Variants in CREB5 observed in about 807,000 individuals in gnomAD.
CREB5 encodes the protein cyclic AMP-responsive element-binding protein 5.
A neutral mutation model predicts 57.1 loss-of-function variants in CREB5; 19 were observed. That is an observed-to-expected ratio of 0.33 (90% CI 0.23 to 0.49). The LOEUF is 0.49. Ranked by LOEUF, CREB5 falls within the 20% of genes least tolerant of loss-of-function variation. The probability of loss-of-function intolerance (pLI) is 0.99; values close to 1 mark genes in which losing one functional copy is unlikely to be tolerated. For synonymous variants in CREB5, 238 were observed against 238.3 expected (o/e 1.00, Z 0.01); for missense variants, 579 against 671.6 (o/e 0.86, Z 1.52).
intron 1 of CREB5, among the ~76,000 whole-genome samples, chr7:28,313,173 C>T (rs1035497689): frequency 6.6e-6 from 1 of 152,094 alleles, no homozygotes; most frequent in African/African-American, 2.4e-5. Flanking sequence ...TGATACTGCT[C>T]GTCTGGGCAC....
At chr7:28,509,430 T>C (rs530641065) in intron 4 of CREB5, among the ~76,000 whole-genome samples, 25 of 152,234 alleles carry the variant, frequency 1.6e-4, no homozygotes, top group Non-Finnish European at 3.5e-4. Context: ...CTTATGGACA[T>C]GAGAATCATG....
At chr7:28,306,773 G>A (rs886349413) in intron 1 of CREB5, among the ~76,000 whole-genome samples, 5 of 151,938 alleles carry the variant, frequency 3.3e-5, no homozygotes, top group African/African-American at 1.2e-4. Flanking sequence ...GTGTTAGCCG[G>A]GATGGTCTCG....
intron 1 of CREB5, among the ~76,000 whole-genome samples, chr7:28,320,486 A>G (rs73291256): frequency 0.016 from 2,475 of 152,286 alleles, 65 homozygotes; most frequent in African/African-American, 0.057. Context: ...CCGCTTTACC[A>G]GGCTTCCCTT....
At chr7:28,790,428 AAGAGAGAGAG>A (rs370615013) in intron 7 of CREB5, among the ~76,000 whole-genome samples, 9,091 of 115,768 alleles carry the variant, frequency 0.079, 365 homozygotes, top group Non-Finnish European at 0.12. Context: ...GAAAGAAAGA[AAGAGAGAGAG>A]AGAGAGAGAG....
chr7:28,337,914 C>T (rs1189624411), intron 1 of CREB5, among the ~76,000 whole-genome samples: 2 of 152,012 alleles, frequency 1.3e-5, no homozygotes, highest in Non-Finnish European at 2.9e-5. Context: ...CAAACAATAT[C>T]TTATAATTCA....
intron 5 of CREB5, among the ~76,000 whole-genome samples, chr7:28,687,914 G>C (rs958209848): frequency 6.6e-6 from 1 of 152,118 alleles, no homozygotes; most frequent in African/African-American, 2.4e-5. Flanking sequence ...GAGCAGGAAA[G>C]GGCAAGGTGG....
intron 5 of CREB5, among the ~76,000 whole-genome samples, chr7:28,693,644 C>T (rs1307693240): frequency 6.6e-6 from 1 of 152,176 alleles, no homozygotes; most frequent in Non-Finnish European, 1.5e-5. Context: ...TGGAGTCAGA[C>T]AGACCTGGGG....
intron 1 of CREB5, among the ~76,000 whole-genome samples, chr7:28,440,200 C>T (rs747482839): frequency 3.3e-5 from 5 of 152,114 alleles, no homozygotes; most frequent in African/African-American, 9.7e-5. Flanking sequence ...GTATCCATGT[C>T]GCACTCCAGT....
chr7:28,795,061 C>T (rs1479980834), intron 7 of CREB5, among the ~76,000 whole-genome samples: 9 of 152,034 alleles, frequency 5.9e-5, no homozygotes, highest in African/African-American at 1.7e-4. Flanking sequence ...CATGGCCCTG[C>T]GGAGAACAGG....
chr7:28,407,373 G>T (rs1787605897), intron 1 of CREB5, among the ~76,000 whole-genome samples: 1 of 152,148 alleles, frequency 6.6e-6, no homozygotes, highest in South Asian at 2.1e-4. Context: ...CTTAACTCAA[G>T]TAATAAAATT....
At chr7:28,669,204 T>G (rs41341) in intron 5 of CREB5, among the ~76,000 whole-genome samples, 151,699 of 152,334 alleles carry the variant, frequency 1, 75,535 homozygotes, top group East Asian at 1. Context: ...TTGAGAAAAA[T>G]CAAACATGTC....
At chr7:28,382,396 A>G (rs1786983774) in intron 1 of CREB5, among the ~76,000 whole-genome samples, 1 of 152,146 alleles carries the variant, frequency 6.6e-6, no homozygotes, top group Non-Finnish European at 1.5e-5. Flanking sequence ...TGGCAGGCTC[A>G]GGGCCTCCTG....
At chr7:28,442,510 G>A (rs1411656508) in intron 1 of CREB5, among the ~76,000 whole-genome samples, 6 of 151,768 alleles carry the variant, frequency 4.0e-5, no homozygotes, top group African/African-American at 1.2e-4. Flanking sequence ...TTTTTTGTTT[G>A]TTTTTTGAGA....
chr7:28,793,493 T>C (rs964658499), intron 7 of CREB5, among the ~76,000 whole-genome samples: 1 of 152,252 alleles, frequency 6.6e-6, no homozygotes, highest in African/African-American at 2.4e-5. Context: ...AGATGACAGC[T>C]GTCTCGAGGG....
chr7:28,489,194 T>G (rs1206576387), intron 2 of CREB5, among the ~76,000 whole-genome samples: 1 of 151,960 alleles, frequency 6.6e-6, no homozygotes, highest in African/African-American at 2.4e-5. Context: ...AGTCTTTCCC[T>G]CACTCTCCTG....
At chr7:28,683,548 T>A (rs1285625233) in intron 5 of CREB5, among the ~76,000 whole-genome samples, 1 of 152,144 alleles carries the variant, frequency 6.6e-6, no homozygotes, top group African/African-American at 2.4e-5. Flanking sequence ...GTCCTTGGCA[T>A]TTGTCTGGGT....
intron 1 of CREB5, among the ~76,000 whole-genome samples, chr7:28,450,013 C>A (rs572438025): frequency 3.9e-4 from 60 of 152,230 alleles, no homozygotes; most frequent in African/African-American, 1.4e-3. Flanking sequence ...GAGATCGAAT[C>A]TTTGGACCTC....
intron 2 of CREB5, 45 bp from the exon 3 acceptor site, chr7:28,494,861 A>G (rs1346135778): frequency 1.5e-6 from 2 of 1,293,850 alleles, no homozygotes; most frequent in Admixed American, 2.6e-5. Flanking sequence ...TTTAAAACTG[A>G]ATGGCTCCTC....
intron 1 of CREB5, among the ~76,000 whole-genome samples, chr7:28,453,638 C>G (rs945924267): frequency 6.6e-6 from 1 of 152,200 alleles, no homozygotes; most frequent in Non-Finnish European, 1.5e-5. Context: ...TCCTTGCCCA[C>G]TAAAGGCCCA....
Sources: gnomAD v4.1 joint callset for allele counts (sites outside exome capture counted in the v4.1 genomes callset) on GRCh38, gnomAD v4.1.1 for gene constraint, MANE v1.5 for transcripts, NCBI Gene and HGNC (gene_info 2026-07-23, HGNC 2026-07-21) for gene names.